LSM14A: variants seen among roughly 807,000 people sequenced by gnomAD.
LSM14A encodes the protein LSM14A mRNA processing body assembly factor, also known as protein LSM14 homolog A.
LSM14A carries 14 observed loss-of-function variants against 52.4 expected under a neutral mutation model. The ratio of observed to expected loss-of-function variants is 0.27; its 90% CI spans 0.18 to 0.42. The LOEUF is 0.42. Among genes scored for constraint, LSM14A ranks in the 10% least tolerant of loss-of-function variants. The probability of loss-of-function intolerance (pLI) is 1.00; values close to 1 mark genes in which losing one functional copy is unlikely to be tolerated. For synonymous variants in LSM14A, 185 were observed against 200.3 expected (o/e 0.92, Z 0.64); for missense variants, 417 against 581.8 (o/e 0.72, Z 2.91).
At chr19:34,178,505 A>G (rs1568470318) in intron 1 of LSM14A, among the ~76,000 whole-genome samples, 1 of 152,216 alleles carries the variant, frequency 6.6e-6, no homozygotes, top group African/African-American at 2.4e-5. Flanking sequence ...TCTGTGTCAC[A>G]GCTCTGAATT....
chr19:34,177,627 C>G (rs1300694186), intron 1 of LSM14A, among the ~76,000 whole-genome samples: 1 of 152,202 alleles, frequency 6.6e-6, no homozygotes, highest in African/African-American at 2.4e-5. Context: ...TGACTCAGGC[C>G]TGTAATCCCA....
At chr19:34,181,163 C>T (rs1331074369) in intron 1 of LSM14A, among the ~76,000 whole-genome samples, 3 of 152,114 alleles carry the variant, frequency 2.0e-5, no homozygotes, top group Non-Finnish European at 4.4e-5. Flanking sequence ...GCATTTGTCC[C>T]CTCTTGGTGA....
intron 9 of LSM14A, among the ~76,000 whole-genome samples, chr19:34,225,960 G>T (rs1037355648): frequency 2.6e-5 from 4 of 151,912 alleles, no homozygotes; most frequent in African/African-American, 9.7e-5. Flanking sequence ...TACTCAGGAG[G>T]CTAAGGCAGG....
intron 3 of LSM14A, among the ~76,000 whole-genome samples, chr19:34,197,431 C>CTTTTTTTTTTTTTTTTTTT (rs531343486): frequency 1.6e-5 from 1 of 63,304 alleles, no homozygotes; most frequent in Non-Finnish European, 2.8e-5. Flanking sequence ...ATTTCTTTTT[C>CTTTTTTTTTTTTTTTTTTT]TTTTTTTTTT....
chr19:34,181,443 G>C (rs1219294325), intron 1 of LSM14A, among the ~76,000 whole-genome samples: 1 of 152,178 alleles, frequency 6.6e-6, no homozygotes, highest in Non-Finnish European at 1.5e-5. Flanking sequence ...TCCTACATAT[G>C]AAGTTTTCTT....
intron 1 of LSM14A, among the ~76,000 whole-genome samples, chr19:34,182,316 CT>C (rs2069541238): frequency 6.6e-6 from 1 of 152,092 alleles, no homozygotes; most frequent in East Asian, 1.9e-4. Flanking sequence ...AATTAAGAGT[CT>C]TTTTTCTGTG....
chr19:34,211,561 A>T (rs554124600), intron 4 of LSM14A, among the ~76,000 whole-genome samples: 1 of 152,090 alleles, frequency 6.6e-6, no homozygotes, highest in Non-Finnish European at 1.5e-5. Context: ...CAAAGCCAGG[A>T]TGATCACTTG....
chr19:34,215,693 T>C (rs2072529529), intron 6 of LSM14A, 32 bp downstream of exon 6: 2 of 1,427,770 alleles, frequency 1.4e-6, no homozygotes, highest in South Asian at 2.3e-5. Context: ...TCATATTCTA[T>C]GCTTCTCAAC....
intron 1 of LSM14A, among the ~76,000 whole-genome samples, chr19:34,186,598 C>T (rs1011353285): frequency 5.9e-5 from 9 of 151,948 alleles, no homozygotes; most frequent in Admixed American, 5.2e-4. Flanking sequence ...AAAACCTGAC[C>T]GATACCTGGA....
At chr19:34,215,799 G>A (rs1205066867) in intron 6 of LSM14A, 138 bp downstream of exon 6, 3 of 643,736 alleles carry the variant, frequency 4.7e-6, no homozygotes, top group Non-Finnish European at 8.1e-6. Flanking sequence ...GAGTGTCACT[G>A]TGGTGACAGA....
intron 4 of LSM14A, among the ~76,000 whole-genome samples, chr19:34,212,635 G>T (rs2072253270): frequency 6.6e-6 from 1 of 152,182 alleles, no homozygotes; most frequent in Admixed American, 6.5e-5. Flanking sequence ...AATTTTAAGT[G>T]TGATAAGATT....
At chr19:34,223,000 G>A (rs1037983233) in intron 9 of LSM14A, among the ~76,000 whole-genome samples, 1 of 151,934 alleles carries the variant, frequency 6.6e-6, no homozygotes, top group African/African-American at 2.4e-5. Flanking sequence ...CCCAATTTGG[G>A]GTCTTTCTTC....
At chr19:34,199,461 A>G (rs2071129253) in intron 3 of LSM14A, among the ~76,000 whole-genome samples, 1 of 152,156 alleles carries the variant, frequency 6.6e-6, no homozygotes, top group Non-Finnish European at 1.5e-5. Flanking sequence ...TTTTGTATGT[A>G]TTATAGGAAA....
chr19:34,219,596 A>G, intron 7 of LSM14A, 23 bp downstream of exon 7: 1 of 1,595,278 alleles, frequency 6.3e-7, no homozygotes, highest in Non-Finnish European at 8.6e-7. Context: ...TTTTCTTTTC[A>G]GAAAATAATC....
chr19:34,221,538 A>C lies in LSM14A; in HGVS notation c.1168A>C (p.Arg390=). 6.2e-7 allele frequency: 1 copy of C among 1,614,098 alleles called. No homozygotes were observed. Among genetic ancestry groups the C allele is most frequent in the Non-Finnish European group, 8.5e-7 (1 of 1,180,020 alleles). Residue 390 remains arginine (R), a synonymous_variant, in exon 9 of 10, where the codon AGA becomes CGA. Coordinates refer to ENST00000544216, the MANE Select transcript of LSM14A (RefSeq NM_015578.4). ...ERRPTWAEER[R]LNAETFGIPL... is the part of the protein sequence containing the mutation. ...GAGACCAACCTGGGCTGAAGAAAGAAGATTAAATGCTGAAACATTTGGAAT... is the reference window on the plus strand; with the variant it reads ...GAGACCAACCTGGGCTGAAGAAAGACGATTAAATGCTGAAACATTTGGAAT...
At chr19:34,217,742 G>A (rs2072760268) in intron 6 of LSM14A, among the ~76,000 whole-genome samples, 1 of 144,298 alleles carries the variant, frequency 6.9e-6, no homozygotes, top group Non-Finnish European at 1.5e-5. Context: ...CCATTCTCCT[G>A]CCTCACCCTC....
intron 6 of LSM14A, among the ~76,000 whole-genome samples, 198 bp downstream of exon 6, chr19:34,215,859 T>G (rs1284657313): frequency 6.6e-6 from 1 of 152,172 alleles, no homozygotes; most frequent in African/African-American, 2.4e-5. Flanking sequence ...CTATATATGG[T>G]AGAACATCAT....
chr19:34,205,357 G>T (rs1162415160), intron 3 of LSM14A, among the ~76,000 whole-genome samples: 1 of 151,372 alleles, frequency 6.6e-6, no homozygotes, highest in Non-Finnish European at 1.5e-5. Flanking sequence ...ATGATGGCAG[G>T]TGCCTGTAAT....
In LSM14A at chr19:34,228,433, A is replaced by G. The variant is rs947370826; in HGVS notation, c.*1045A>G. On this transcript the variant is annotated 3_prime_UTR_variant, in exon 10 of 10. Coordinates refer to ENST00000544216, the MANE Select transcript of LSM14A (RefSeq NM_015578.4). ...TGTAGGACTTTAAAACTAGGCATCA[A>G]TGAACCTGTTTTTCCTATTATGCCT... is the stretch of plus-strand genomic sequence containing the variant. 1.3e-5 allele frequency: 2 copies of G among 152,590 alleles called. No homozygotes were observed. The highest frequency in any genetic ancestry group is 4.8e-5 in the African/African-American group (2 of 41,444). The allele number at this position is 152,590 out of a possible 1,614,324, so 9.5% of individuals were successfully genotyped here. A position where few individuals can be genotyped will look rare whatever the true frequency, so the allele number is the denominator to read the frequency against.
Sources: allele counts gnomAD v4.1 joint callset (sites outside exome capture counted in the v4.1 genomes callset), GRCh38; gene constraint gnomAD v4.1.1; transcripts MANE v1.5; gene names NCBI Gene and HGNC (gene_info 2026-07-23, HGNC 2026-07-21).